Variants in SGPP2 observed in about 807,000 individuals in gnomAD.
SGPP2 encodes the protein sphingosine-1-phosphate phosphatase 2, also known as sphingosine 1-phosphate phosphohydrolase 2.
SGPP2 carries 30 observed loss-of-function variants against 33.9 expected under a neutral mutation model. The ratio of observed to expected loss-of-function variants is 0.89; its 90% confidence interval spans 0.66 to 1.20. The LOEUF (loss-of-function observed/expected upper bound fraction) is 1.20. Ranked by LOEUF, SGPP2 falls within the 50% of genes most tolerant of loss-of-function variation. The pLI is 0.00. For synonymous variants in SGPP2, 233 were observed against 225.0 expected (o/e 1.04, Z -0.32); for missense variants, 458 against 532.1 (o/e 0.86, Z 1.37).
intron 2 of SGPP2, among the ~76,000 whole-genome samples, chr2:222,489,303 GA>G (rs1270141355): frequency 1.3e-5 from 2 of 151,384 alleles, no homozygotes; most frequent in Admixed American, 6.6e-5. Flanking sequence ...CTACATAACT[GA>G]AAAAAATATT....
chr2:222,475,614 C>T (rs1481346198), intron 2 of SGPP2, among the ~76,000 whole-genome samples: 1 of 152,196 alleles, frequency 6.6e-6, no homozygotes, highest in Admixed American at 6.5e-5. Flanking sequence ...GTAGCAGGAG[C>T]AGCTGCAAAT....
chr2:222,528,733 C>T (rs1247637788), intron 4 of SGPP2, among the ~76,000 whole-genome samples: 2 of 152,138 alleles, frequency 1.3e-5, no homozygotes, highest in African/African-American at 2.4e-5. Context: ...TCTCATACCT[C>T]GGCCTCCCGA....
intron 2 of SGPP2, among the ~76,000 whole-genome samples, chr2:222,489,738 G>A (rs1443036323): frequency 1.3e-5 from 2 of 152,120 alleles, no homozygotes; most frequent in African/African-American, 4.8e-5. Flanking sequence ...GGCCGAGGCA[G>A]GTGGATCACC....
chr2:222,480,648 G>A (rs1698014618), intron 2 of SGPP2, among the ~76,000 whole-genome samples: 1 of 152,202 alleles, frequency 6.6e-6, no homozygotes, highest in African/African-American at 2.4e-5. Context: ...GTATTGTCAA[G>A]GCTAGTGATA....
chr2:222,457,757 C>T (rs1697593967), intron 1 of SGPP2, among the ~76,000 whole-genome samples: 1 of 152,218 alleles, frequency 6.6e-6, no homozygotes, highest in South Asian at 2.1e-4. Context: ...CATCCTCAAC[C>T]AGGCCTCCAG....
chr2:222,492,165 G>A (rs1698207230), intron 2 of SGPP2, among the ~76,000 whole-genome samples: 1 of 152,214 alleles, frequency 6.6e-6, no homozygotes, highest in Non-Finnish European at 1.5e-5. Flanking sequence ...CTGGAGGACA[G>A]TAGCCCTCTT....
chr2:222,482,533 A>T (rs1256753393), intron 2 of SGPP2, among the ~76,000 whole-genome samples: 1 of 151,840 alleles, frequency 6.6e-6, no homozygotes, highest in East Asian at 1.9e-4. Context: ...AGTAGCTGGA[A>T]CTACAGGCAT....
At chr2:222,545,175 A>AC (rs1217650491) in intron 4 of SGPP2, among the ~76,000 whole-genome samples, 1 of 152,006 alleles carries the variant, frequency 6.6e-6, no homozygotes, top group East Asian at 1.9e-4. Context: ...TGCATTTATT[A>AC]TGATTTCTTT....
At chr2:222,521,598 T>C (rs1698685932) in intron 2 of SGPP2, among the ~76,000 whole-genome samples, 169 bp from the exon 3 acceptor site, 1 of 152,256 alleles carries the variant, frequency 6.6e-6, no homozygotes, top group Admixed American at 6.5e-5. Context: ...AAGTCTGTTT[T>C]CTTTTTACCA....
chr2:222,558,947 A>G lies in SGPP2; in HGVS notation c.*49A>G. 2 of 1,556,400 alleles carry G rather than the reference A, an allele frequency of 1.3e-6. No individual in the cohort carries two copies. The highest frequency in any genetic ancestry group is 2.4e-5 in the South Asian group (2 of 84,276). On this transcript the variant is annotated 3_prime_UTR_variant, in exon 5 of 5. Coordinates refer to ENST00000321276, the MANE Select transcript of SGPP2 (RefSeq NM_152386.4). Reference sequence around the variant, plus strand: ...CCACTGGACATGAAAGCCAAGACATAGGAAAGTTATTGGTAGGCAAATCTT... The same window carrying G: ...CCACTGGACATGAAAGCCAAGACATGGGAAAGTTATTGGTAGGCAAATCTT...
intron 1 of SGPP2, among the ~76,000 whole-genome samples, chr2:222,467,986 A>AAAAAAAAAG (rs1184470288): frequency 7.1e-6 from 1 of 141,482 alleles, no homozygotes; most frequent in African/African-American, 2.7e-5. Context: ...AAAAAAAAAA[A>AAAAAAAAAG]AACAGAGGAA....
At chr2:222,538,749 C>G (rs1698950857) in intron 4 of SGPP2, among the ~76,000 whole-genome samples, 1 of 152,114 alleles carries the variant, frequency 6.6e-6, no homozygotes, top group Non-Finnish European at 1.5e-5. Flanking sequence ...ATGGCCAGAG[C>G]AGGAGCAAGA....
intron 2 of SGPP2, among the ~76,000 whole-genome samples, chr2:222,490,294 G>T (rs1295376263): frequency 1.3e-5 from 2 of 152,156 alleles, no homozygotes; most frequent in African/African-American, 4.8e-5. Context: ...GGTTTTCTGG[G>T]TGAGATCATC....
chr2:222,464,407 G>T (rs898644726), intron 1 of SGPP2, among the ~76,000 whole-genome samples: 3 of 152,186 alleles, frequency 2.0e-5, no homozygotes, highest in Admixed American at 1.3e-4. Flanking sequence ...ATAAAGGCTT[G>T]CTTCTAACCC....
intron 1 of SGPP2, among the ~76,000 whole-genome samples, chr2:222,474,307 T>C (rs560035704): frequency 6.6e-6 from 1 of 152,178 alleles, no homozygotes; most frequent in African/African-American, 2.4e-5. Flanking sequence ...GAAAAAAGTT[T>C]TTGGCTTTTT....
At chr2:222,556,115 G>C (rs1574895097) in intron 4 of SGPP2, among the ~76,000 whole-genome samples, 1 of 152,156 alleles carries the variant, frequency 6.6e-6, no homozygotes, top group South Asian at 2.1e-4. Flanking sequence ...CTTTGAGAGT[G>C]GCGTATCATC....
At chr2:222,556,864 C>T (rs1416919265) in intron 4 of SGPP2, among the ~76,000 whole-genome samples, 3 of 112,082 alleles carry the variant, frequency 2.7e-5, no homozygotes, top group East Asian at 3.0e-4. Flanking sequence ...CCTTCCCCAT[C>T]CACCCTCACT....
At chr2:222,464,009 G>A (rs761130670) in intron 1 of SGPP2, among the ~76,000 whole-genome samples, 8 of 152,250 alleles carry the variant, frequency 5.3e-5, no homozygotes, top group Middle Eastern at 3.4e-3. Context: ...ATGAAAACGA[G>A]TAAACTGAAG....
At position 222,469,867 on chromosome 2, in the gene SGPP2, A is replaced by C. The variant is rs150198519; in HGVS notation, c.220-4701A>C. The stretch of plus-strand genomic sequence containing the variant: ...TAGCAAAGACTTAGAACAAACCCAA[A>C]TGCCCATCAATGATAGACTGGATAA... On this transcript the variant is annotated intron_variant, in intron 1 of 4. Coordinates refer to ENST00000321276, the MANE Select transcript of SGPP2 (RefSeq NM_152386.4). Among the ~76,000 whole-genome samples the C allele has an allele frequency of 6.5e-3, 989 of 152,338 alleles. 10 individuals carry two copies. Among genetic ancestry groups the C allele is most frequent in the African/African-American group, 0.023 (936 of 41,574 alleles).
Sources: gnomAD v4.1 joint callset for allele counts (sites outside exome capture counted in the v4.1 genomes callset) on GRCh38, gnomAD v4.1.1 for gene constraint, MANE v1.5 for transcripts, NCBI Gene and HGNC (gene_info 2026-07-23, HGNC 2026-07-21) for gene names.